Variants in KMT5B observed in about 807,000 individuals in gnomAD.
KMT5B encodes the protein histone-lysine N-methyltransferase KMT5B.
KMT5B carries 10 observed loss-of-function variants against 83.2 expected under a neutral mutation model. The observed-to-expected ratio is 0.12, with a 90% CI of 0.07 to 0.20. KMT5B has a LOEUF of 0.20. Ranked by LOEUF, KMT5B falls within the 10% of genes least tolerant of loss-of-function variation. The pLI is 1.00. For missense variants in KMT5B, 753 were observed against 1,067.2 expected (o/e 0.71, Z 4.10); for synonymous variants, 349 against 388.8 (o/e 0.90, Z 1.20).
At chr11:68,208,541 G>A (rs1860466478) in intron 1 of KMT5B, among the ~76,000 whole-genome samples, 1 of 152,146 alleles carries the variant, frequency 6.6e-6, no homozygotes, top group South Asian at 2.1e-4. Flanking sequence ...CTGCATAGAG[G>A]TCAGAGCATA....
intron 3 of KMT5B, among the ~76,000 whole-genome samples, chr11:68,182,841 A>C (rs2153064637): frequency 6.6e-6 from 1 of 151,258 alleles, no homozygotes; most frequent in East Asian, 1.9e-4. Flanking sequence ...GGTTCAAGCG[A>C]TTCTCCTGCC....
chr11:68,198,833 C>A (rs1307538034), intron 1 of KMT5B, among the ~76,000 whole-genome samples: 1 of 152,150 alleles, frequency 6.6e-6, no homozygotes, highest in Non-Finnish European at 1.5e-5. Context: ...GGGTTCAAGC[C>A]ATTCTCCTGC....
In KMT5B at chr11:68,157,792, G is replaced by A; in HGVS notation, c.2554C>T (p.Leu852Phe). 1 of 1,614,190 alleles carries A rather than the reference G, an allele frequency of 6.2e-7. No homozygotes were observed. Among genetic ancestry groups the A allele is most frequent in the Non-Finnish European group, 8.5e-7 (1 of 1,180,038 alleles). The change falls in exon 11 of 11, where the codon CTT becomes TTT. Residue 852 changes from leucine to phenylalanine, a missense_variant. Transcript: ENST00000304363. The stretch of plus-strand genomic sequence containing the variant: ...AACCTCAAGCGCTTAGCTGGAGGAA[G>A]AGGAATAAAATCGTCTTCAAAGTCA... ...DDDFEDDFIP[L>F]PPAKRLRLIV...
At chr11:68,166,013 A>G in intron 10 of KMT5B, 2 of 1,612,210 alleles carry the variant, frequency 1.2e-6, no homozygotes, top group African/African-American at 1.3e-5. Context: ...AAGAACCTAA[A>G]ATAATCAGTA....
intron 9 of KMT5B, among the ~76,000 whole-genome samples, chr11:68,170,814 A>G (rs1357516176): frequency 6.6e-6 from 1 of 152,184 alleles, no homozygotes; most frequent in African/African-American, 2.4e-5. Context: ...GGAAATTTTA[A>G]ATTTATTGAG....
chr11:68,204,114 C>T (rs1043592610), intron 1 of KMT5B, among the ~76,000 whole-genome samples: 16 of 152,042 alleles, frequency 1.1e-4, no homozygotes, highest in African/African-American at 3.9e-4. Flanking sequence ...TTACCTACCA[C>T]CAAGGTAGAA....
At chr11:68,207,388 C>A (rs1286133524) in intron 1 of KMT5B, among the ~76,000 whole-genome samples, 1 of 152,136 alleles carries the variant, frequency 6.6e-6, no homozygotes, top group African/African-American at 2.4e-5. Flanking sequence ...CTTTAACACA[C>A]ACTCAATACT....
At chr11:68,207,701 G>T (rs904850795) in intron 1 of KMT5B, among the ~76,000 whole-genome samples, 1 of 148,274 alleles carries the variant, frequency 6.7e-6, no homozygotes, top group South Asian at 2.2e-4. Flanking sequence ...TGAGGCAGGA[G>T]AATCGCTTGA....
At chr11:68,210,583 T>C (rs1379358985) in intron 1 of KMT5B, among the ~76,000 whole-genome samples, 2 of 152,106 alleles carry the variant, frequency 1.3e-5, no homozygotes, top group Non-Finnish European at 2.9e-5. Flanking sequence ...CCTTCAACTA[T>C]TCCTAAAATT....
chr11:68,202,489 C>T (rs1859565350), intron 1 of KMT5B, among the ~76,000 whole-genome samples: 1 of 151,572 alleles, frequency 6.6e-6, no homozygotes, highest in African/African-American at 2.4e-5. Context: ...TACAACCATA[C>T]TCACTACTCT....
At chr11:68,189,872 C>A in intron 2 of KMT5B, 45 bp downstream of exon 2, 1 of 1,563,444 alleles carries the variant, frequency 6.4e-7, no homozygotes, top group Non-Finnish European at 8.7e-7. Flanking sequence ...AGAATTACTA[C>A]CCCATATCAC....
At chr11:68,179,831 C>A in intron 4 of KMT5B, 1 of 395,926 alleles carries the variant, frequency 2.5e-6, no homozygotes, top group South Asian at 3.2e-5. Context: ...CCTTCTTGAC[C>A]TGAAAATAAA....
chr11:68,192,367 G>C lies in KMT5B; in HGVS notation c.-76-2215C>G, dbSNP rs373407872. The stretch of plus-strand genomic sequence containing the variant: ...CATATGATGCCTGCTCAGGAATACA[G>C]TGCCCCCAGACTGGCCAGAATGTAA... On this transcript the variant is annotated intron_variant, in intron 1 of 10. Coordinates refer to ENST00000304363, the MANE Select transcript of KMT5B (RefSeq NM_017635.5). Among the ~76,000 whole-genome samples, 13 of 152,316 alleles carry C rather than the reference G, an allele frequency of 8.5e-5. No individual in the cohort carries two copies. In the East Asian group the frequency reaches 2.5e-3, roughly 29 times the overall value.
intron 9 of KMT5B, among the ~76,000 whole-genome samples, chr11:68,168,328 G>A (rs1025761516): frequency 6.7e-6 from 1 of 148,696 alleles, no homozygotes; most frequent in African/African-American, 2.5e-5. Flanking sequence ...GGAGCTTTTT[G>A]TTATTAGAAT....
chr11:68,177,922 C>T (rs1316967700), intron 4 of KMT5B, among the ~76,000 whole-genome samples: 1 of 152,130 alleles, frequency 6.6e-6, no homozygotes, highest in Non-Finnish European at 1.5e-5. Flanking sequence ...CAATGGAAAC[C>T]ATTCTTGCTG....
intron 10 of KMT5B, chr11:68,164,811 G>A (rs909857656): frequency 8.9e-6 from 4 of 449,390 alleles, no homozygotes; most frequent in Non-Finnish European, 1.8e-5. Flanking sequence ...GAAAGCCTGT[G>A]CCTCCAGTTT....
Position 68,208,850 on chromosome 11 carries a change from AAAAC to A in KMT5B, c.-77+4284_-77+4287del, listed in dbSNP as rs1459363372. On this transcript the variant is annotated intron_variant, in intron 1 of 10. Coordinates refer to ENST00000304363, the MANE Select transcript of KMT5B (RefSeq NM_017635.5). ...TGGGAGGCTACAAGACCCTGTCTCA[AAAAC>A]AAACAAACAAAAAATACCTTTTTTG... Among the ~76,000 whole-genome samples the A allele has an allele frequency of 2.6e-5, 4 of 152,204 alleles. No individual in the cohort carries two copies. The South Asian group carries it at 6.2e-4, about 24-fold the overall frequency.
At position 68,171,763 on chromosome 11, in the gene KMT5B, CTTCTT is replaced by C; in HGVS notation, c.654-59_654-55del. 7.4e-7 allele frequency: 1 copy of C among 1,345,080 alleles called. No individual in the cohort carries two copies. Among genetic ancestry groups the C allele is most frequent in the Admixed American group, 2.0e-5 (1 of 50,456 alleles). The allele number at this position is 1,345,080 out of a possible 1,614,324, so 83.3% of individuals were successfully genotyped here. A position where few individuals can be genotyped will look rare whatever the true frequency, so the allele number is the denominator to read the frequency against. ...TTACTAGTAATTAAATATAGTAAGG[CTTCTT>C]TTAATAAAATAATCCTGACAATAAA... On this transcript the variant is annotated intron_variant, in intron 6 of 10. Transcript: ENST00000304363. This position sits in a 1 kb window ranked among gnomAD's most constrained non-coding sequence, Gnocchi z 5.1.
intron 3 of KMT5B, 51 bp downstream of exon 3, chr11:68,185,730 T>C (rs769032330): frequency 1.2e-5 from 18 of 1,506,100 alleles, no homozygotes; most frequent in Non-Finnish European, 1.6e-5. Flanking sequence ...ATCTATGTTC[T>C]TGAATTCAAC....
Sources: gnomAD v4.1 joint callset for allele counts (sites outside exome capture counted in the v4.1 genomes callset) on GRCh38, gnomAD v4.1.1 for gene constraint, Gnocchi (gnomAD v3.1) non-coding constraint, MANE v1.5 for transcripts, NCBI Gene and HGNC (gene_info 2026-07-23, HGNC 2026-07-21) for gene names.